LUZP2: variants seen among roughly 807,000 people sequenced by gnomAD.
LUZP2 encodes leucine zipper protein 2.
LUZP2 carries 52 observed loss-of-function variants against 51.6 expected under a neutral mutation model. The observed-to-expected ratio is 1.01, with a 90% CI of 0.81 to 1.27. The LOEUF (loss-of-function observed/expected upper bound fraction) is 1.27. Among genes scored for constraint, LUZP2 ranks in the 50% most tolerant of loss-of-function variants. The probability of loss-of-function intolerance (pLI) is 0.00; values close to 1 mark genes in which losing one functional copy is unlikely to be tolerated. For synonymous variants in LUZP2, 154 were observed against 137.3 expected, an observed-to-expected ratio of 1.12 and a Z score of -0.85; for missense variants, 436 against 395.4, an observed-to-expected ratio of 1.10 and a Z score of -0.87.
rs925418901 is a variant in LUZP2, at chr11:24,500,542, T to C, written c.62+3237T>C. ...GCAGTATAGGTATTGAAAGTAATGG[T>C]AGGGTGAAAAATTCTTTAGAAGTTC... is the stretch of plus-strand genomic sequence containing the variant. On this transcript the variant is annotated intron_variant, in intron 1 of 11. Coordinates refer to ENST00000336930, the MANE Select transcript of LUZP2 (RefSeq NM_001009909.4). Among the ~76,000 whole-genome samples, 6 of 152,222 alleles carry C rather than the reference T, an allele frequency of 3.9e-5. No individual in the cohort carries two copies. The East Asian group carries it at 1.2e-3, about 29-fold the overall frequency.
chr11:24,599,631 G>A (rs533545522), intron 1 of LUZP2, among the ~76,000 whole-genome samples: 3 of 152,212 alleles, frequency 2.0e-5, no homozygotes, highest in Admixed American at 2.0e-4. Flanking sequence ...CACATCTGTA[G>A]TATTTTGGTT....
At chr11:24,549,715 CA>C (rs1851669343) in intron 1 of LUZP2, among the ~76,000 whole-genome samples, 1 of 151,978 alleles carries the variant, frequency 6.6e-6, no homozygotes, top group Admixed American at 6.6e-5. Context: ...ATGAGACTAC[CA>C]TCGTATATTC....
In LUZP2 at chr11:24,928,777, T is replaced by A. The variant is rs535145729; in HGVS notation, c.522+14239T>A. On this transcript the variant is annotated intron_variant, in intron 7 of 11. Transcript: ENST00000336930. Reference sequence around the variant, plus strand: ...AGAGTGGATTTCCTCTTTCTTAACATTTTGGAATAGTGCAAATAAGATTGG... The same window carrying A: ...AGAGTGGATTTCCTCTTTCTTAACAATTTGGAATAGTGCAAATAAGATTGG... 2.8e-4 allele frequency among the ~76,000 whole-genome samples: 43 copies of A among 152,206 alleles called. No individual in the cohort carries two copies. In the South Asian group the frequency reaches 8.7e-3, roughly 31 times the overall value.
chr11:24,659,761 C>T (rs1181379114), intron 1 of LUZP2, among the ~76,000 whole-genome samples: 1 of 151,952 alleles, frequency 6.6e-6, no homozygotes, highest in Non-Finnish European at 1.5e-5. Context: ...ATATGTGCTT[C>T]TTTATTAGTG....
intron 5 of LUZP2, among the ~76,000 whole-genome samples, chr11:24,811,849 G>A (rs956179104): frequency 2.0e-5 from 3 of 152,108 alleles, no homozygotes; most frequent in African/African-American, 7.2e-5. Context: ...AAACAGAGAA[G>A]AAATCCAAGG....
chr11:24,811,869 G>A (rs181368031), intron 5 of LUZP2, among the ~76,000 whole-genome samples: 72 of 152,230 alleles, frequency 4.7e-4, no homozygotes, highest in African/African-American at 1.5e-3. Context: ...GGCTACCCTA[G>A]TTTTCAAAGG....
chr11:24,987,654 C>T (rs1194430533), intron 9 of LUZP2, among the ~76,000 whole-genome samples: 1 of 151,850 alleles, frequency 6.6e-6, no homozygotes, highest in Non-Finnish European at 1.5e-5. Flanking sequence ...AAAGTCTTTC[C>T]AGGGCAGGAG....
At chr11:24,566,221 T>TA (rs1329417228) in intron 1 of LUZP2, among the ~76,000 whole-genome samples, 1 of 151,622 alleles carries the variant, frequency 6.6e-6, no homozygotes, top group South Asian at 2.1e-4. Flanking sequence ...GTAACTGTAT[T>TA]AAAAAATTAA....
At chr11:24,993,877 G>A (rs1383101435) in intron 9 of LUZP2, among the ~76,000 whole-genome samples, 1 of 151,682 alleles carries the variant, frequency 6.6e-6, no homozygotes, top group Non-Finnish European at 1.5e-5. Context: ...GGGGGGTGTG[G>A]GGGAATAGAG....
chr11:24,658,037 C>A (rs1216356283), intron 1 of LUZP2, among the ~76,000 whole-genome samples: 1 of 152,170 alleles, frequency 6.6e-6, no homozygotes, highest in Non-Finnish European at 1.5e-5. Context: ...CTCCATCAAG[C>A]TACAAATGAC....
rs970640891 is a variant in LUZP2, at chr11:24,878,102, T to C, written c.397-27889T>C. On this transcript the variant is annotated intron_variant, in intron 5 of 11. Transcript: ENST00000336930. ...GTTACGGTGTTGTAATATTCTGTGT[T>C]TTTTTTTTTTTTTTTGGTGAACTTA... 2.0e-4 allele frequency among the ~76,000 whole-genome samples: 15 copies of C among 74,126 alleles called. 1 individual carries two copies. The Admixed American group carries it at 2.1e-3, about 11-fold the overall frequency. The allele number at this position is 74,126 out of a possible 152,430, so 48.6% of individuals were successfully genotyped here. A position where few individuals can be genotyped will look rare whatever the true frequency, so the allele number is the denominator to read the frequency against.
intron 1 of LUZP2, among the ~76,000 whole-genome samples, chr11:24,679,313 T>G (rs755963510): frequency 6.6e-6 from 1 of 152,158 alleles, no homozygotes; most frequent in Non-Finnish European, 1.5e-5. Flanking sequence ...TTACTTCAAG[T>G]GATAAAAACA....
chr11:24,968,321 A>G (rs1349989810), intron 7 of LUZP2, among the ~76,000 whole-genome samples: 1 of 152,186 alleles, frequency 6.6e-6, no homozygotes. Flanking sequence ...TCACAAAAGC[A>G]AGTAGACTAT....
At chr11:24,556,298 G>T (rs1180172987) in intron 1 of LUZP2, among the ~76,000 whole-genome samples, 1 of 152,040 alleles carries the variant, frequency 6.6e-6, no homozygotes, top group Non-Finnish European at 1.5e-5. Flanking sequence ...TTCCATTGTG[G>T]CATATAATAC....
chr11:24,899,000 T>A (rs1853183202), intron 5 of LUZP2, among the ~76,000 whole-genome samples: 1 of 152,186 alleles, frequency 6.6e-6, no homozygotes, highest in Non-Finnish European at 1.5e-5. Context: ...ACTAACTTAT[T>A]TTTCTCTGAA....
At chr11:25,021,506 G>A (rs546880774) in intron 9 of LUZP2, among the ~76,000 whole-genome samples, 3 of 151,630 alleles carry the variant, frequency 2.0e-5, no homozygotes, top group Non-Finnish European at 2.9e-5. Flanking sequence ...ATGCACACAG[G>A]GAAACATAGA....
At chr11:25,054,009 G>A (rs11028388) in intron 10 of LUZP2, among the ~76,000 whole-genome samples, 55,644 of 151,862 alleles carry the variant, frequency 0.37, 12,479 homozygotes, top group East Asian at 0.78. Context: ...TGGAGTTTTT[G>A]TATTTCATGC....
chr11:24,895,912 C>G (rs1378464386), intron 5 of LUZP2, among the ~76,000 whole-genome samples: 1 of 152,214 alleles, frequency 6.6e-6, no homozygotes, highest in Non-Finnish European at 1.5e-5. Flanking sequence ...GAGAAATCTT[C>G]AAACTGCTTT....
chr11:24,527,565 T>TCA (rs1487134915), intron 1 of LUZP2, among the ~76,000 whole-genome samples: 7 of 124,694 alleles, frequency 5.6e-5, no homozygotes, highest in Non-Finnish European at 1.1e-4. Context: ...TCTCTCTCTC[T>TCA]CTCACACACA....
Sources: gnomAD v4.1 joint callset for allele counts (sites outside exome capture counted in the v4.1 genomes callset) on GRCh38, gnomAD v4.1.1 for gene constraint, MANE v1.5 for transcripts, NCBI Gene and HGNC (gene_info 2026-07-23, HGNC 2026-07-21) for gene names.